Variants in CSMD1 observed in about 807,000 individuals in gnomAD.
The protein encoded by CSMD1 is CUB and sushi domain-containing protein 1.
Under a neutral mutation model 417.5 loss-of-function variants are expected in CSMD1, and 213 were observed. The observed-to-expected ratio is 0.51, with a 90% CI of 0.46 to 0.57. The LOEUF (loss-of-function observed/expected upper bound fraction) is 0.57, where lower values mean the gene tolerates loss of function less well. Ranked by LOEUF, CSMD1 falls within the 20% of genes least tolerant of loss-of-function variation. CSMD1 has a pLI of 0.00. For synonymous variants in CSMD1, 2,862 were observed against 1,736.8 expected (o/e 1.65, Z -16.11); for missense variants, 6,923 against 4,529.7 (o/e 1.53, Z -15.17).
chr8:3,983,135 C>CTTTTTTTTTTTTTT (rs201667296), intron 5 of CSMD1, among the ~76,000 whole-genome samples: 20 of 133,506 alleles, frequency 1.5e-4, no homozygotes, highest in African/African-American at 4.1e-4. Flanking sequence ...ATCTTTCTTT[C>CTTTTTTTTTTTTTT]TTTTTTTTTT....
intron 5 of CSMD1, among the ~76,000 whole-genome samples, chr8:3,976,157 A>C (rs1214278427): frequency 6.6e-6 from 1 of 152,114 alleles, no homozygotes; most frequent in African/African-American, 2.4e-5. Flanking sequence ...AGAATGCATA[A>C]CCTAAGGTTT....
intron 5 of CSMD1, among the ~76,000 whole-genome samples, chr8:3,768,801 G>T (rs1027691976): frequency 6.6e-6 from 1 of 152,166 alleles, no homozygotes; most frequent in Non-Finnish European, 1.5e-5. Context: ...AAGTTTTGCT[G>T]GTAACTTGCT....
chr8:3,954,344 C>T (rs1028543186), intron 5 of CSMD1, among the ~76,000 whole-genome samples: 1 of 151,964 alleles, frequency 6.6e-6, no homozygotes, highest in Non-Finnish European at 1.5e-5. Flanking sequence ...GGTCAAGAGC[C>T]ATTTAACTGG....
At chr8:3,268,289 ATTTTTTTTTTTT>A (rs1163842745) in intron 26 of CSMD1, among the ~76,000 whole-genome samples, 6 of 84,272 alleles carry the variant, frequency 7.1e-5, no homozygotes, top group Admixed American at 1.6e-4. Context: ...TTCATTTCCT[ATTTTTTTTTTTT>A]TTTTTTTTTT....
chr8:4,517,755 A>C (rs1272251110), intron 2 of CSMD1, among the ~76,000 whole-genome samples: 1 of 152,234 alleles, frequency 6.6e-6, no homozygotes, highest in African/African-American at 2.4e-5. Context: ...CAATGCTTCA[A>C]GTAATGGCTA....
At chr8:4,815,379 T>C (rs778175155) in intron 1 of CSMD1, among the ~76,000 whole-genome samples, 1 of 152,050 alleles carries the variant, frequency 6.6e-6, no homozygotes, top group Non-Finnish European at 1.5e-5. Context: ...CACGTAGCCA[T>C]GTGGGGCTAC....
intron 2 of CSMD1, among the ~76,000 whole-genome samples, chr8:4,551,598 GCTGCCATC>G: frequency 6.6e-6 from 1 of 152,104 alleles, no homozygotes; most frequent in Non-Finnish European, 1.5e-5. Flanking sequence ...CACTCAAGAT[GCTGCCATC>G]AAATCCAGGC....
intron 1 of CSMD1, among the ~76,000 whole-genome samples, chr8:4,650,827 T>C (rs983971946): frequency 1.8e-4 from 28 of 152,302 alleles, no homozygotes; most frequent in African/African-American, 6.0e-4. Flanking sequence ...GCTTCCAAGG[T>C]TGTAGAGTAG....
intron 3 of CSMD1, among the ~76,000 whole-genome samples, chr8:4,096,631 T>G (rs912643589): frequency 6.6e-6 from 1 of 152,234 alleles, no homozygotes; most frequent in African/African-American, 2.4e-5. Flanking sequence ...GAAAGATATC[T>G]TAAAAATCTT....
At chr8:4,087,707 C>G (rs909542303) in intron 3 of CSMD1, among the ~76,000 whole-genome samples, 18 of 152,154 alleles carry the variant, frequency 1.2e-4, no homozygotes, top group African/African-American at 4.3e-4. Context: ...GGCATCCTGC[C>G]TCCCACACTC....
At chr8:4,618,444 T>A (rs1429116095) in intron 2 of CSMD1, among the ~76,000 whole-genome samples, 1 of 152,074 alleles carries the variant, frequency 6.6e-6, no homozygotes, top group African/African-American at 2.4e-5. Context: ...CACGGAGTGC[T>A]GTTAGGGACC....
intron 3 of CSMD1, among the ~76,000 whole-genome samples, chr8:4,363,546 C>G (rs1801897677): frequency 1.3e-5 from 2 of 152,176 alleles, no homozygotes; most frequent in Non-Finnish European, 2.9e-5. Flanking sequence ...AACTCCCTCC[C>G]TACTACAGAT....
At chr8:4,677,205 T>C (rs1198635487) in intron 1 of CSMD1, among the ~76,000 whole-genome samples, 1 of 150,748 alleles carries the variant, frequency 6.6e-6, no homozygotes, top group Non-Finnish European at 1.5e-5. Flanking sequence ...TACATAATAG[T>C]TCTTAAGTTA....
intron 23 of CSMD1, among the ~76,000 whole-genome samples, chr8:3,318,296 G>T (rs1375305973): frequency 6.6e-6 from 1 of 152,084 alleles, no homozygotes; most frequent in Admixed American, 6.6e-5. Context: ...TGAAAAAATA[G>T]AAAATCTCTG....
Position 4,564,447 on chromosome 8 carries a change from T to C in CSMD1, c.302+72895A>G, listed in dbSNP as rs1264354731. Among the ~76,000 whole-genome samples the C allele has an allele frequency of 2.0e-5, 3 of 152,316 alleles. No individual in the cohort carries two copies. In the Middle Eastern group the frequency reaches 0.01, roughly 518 times the overall value. Reference sequence around the variant, plus strand: ...AAGATCAAGGTGCCAGGGGATCTAGTGTCTGGTGAGGGGCCTGATCCTGGT... The same window carrying C: ...AAGATCAAGGTGCCAGGGGATCTAGCGTCTGGTGAGGGGCCTGATCCTGGT... On this transcript the variant is annotated intron_variant, in intron 2 of 69. Coordinates refer to ENST00000635120, the MANE Select transcript of CSMD1 (RefSeq NM_033225.6).
At chr8:4,966,136 G>C (rs149659038) in intron 1 of CSMD1, among the ~76,000 whole-genome samples, 63 of 150,590 alleles carry the variant, frequency 4.2e-4, no homozygotes, top group African/African-American at 1.3e-3. Flanking sequence ...GGCCGAGGCA[G>C]GTGGATCACC....
chr8:4,626,274 C>A (rs968607631), intron 2 of CSMD1, among the ~76,000 whole-genome samples: 9 of 152,054 alleles, frequency 5.9e-5, no homozygotes, highest in Admixed American at 5.9e-4. Context: ...CTGATTCTCT[C>A]AAATTGAACA....
chr8:4,062,845 A>C (rs1169161674), intron 3 of CSMD1, among the ~76,000 whole-genome samples: 1 of 152,084 alleles, frequency 6.6e-6, no homozygotes, highest in African/African-American at 2.4e-5. Context: ...TCAAAACCCT[A>C]CCAGCCAAGA....
intron 3 of CSMD1, among the ~76,000 whole-genome samples, chr8:4,181,496 T>C (rs1452491801): frequency 6.6e-6 from 1 of 152,136 alleles, no homozygotes; most frequent in African/African-American, 2.4e-5. Flanking sequence ...ACTGATGAGC[T>C]TTAAAAAAAT....
Sources: allele counts gnomAD v4.1 joint callset (sites outside exome capture counted in the v4.1 genomes callset), GRCh38; gene constraint gnomAD v4.1.1; transcripts MANE v1.5; gene names NCBI Gene and HGNC (gene_info 2026-07-23, HGNC 2026-07-21).